GADL1: variants seen among roughly 807,000 people sequenced by gnomAD.
GADL1 encodes acidic amino acid decarboxylase GADL1.
Under a neutral mutation model 69.5 loss-of-function variants are expected in GADL1, and 71 were observed. That is an observed-to-expected ratio of 1.02 (90% CI 0.84 to 1.25). The LOEUF is 1.25. Among genes scored for constraint, GADL1 ranks in the 50% most tolerant of loss-of-function variants. The pLI, the probability that GADL1 is intolerant of heterozygous loss-of-function variation, is 0.00. For synonymous variants in GADL1, 254 were observed against 214.4 expected, an observed-to-expected ratio of 1.18 and a Z score of -1.62; for missense variants, 737 against 631.8, an observed-to-expected ratio of 1.17 and a Z score of -1.79.
At chr3:30,874,983 C>T (rs1389308259) in intron 1 of GADL1, among the ~76,000 whole-genome samples, 1 of 151,890 alleles carries the variant, frequency 6.6e-6, no homozygotes, top group Non-Finnish European at 1.5e-5. Context: ...TGTGCATTGG[C>T]TCAGAGCTCA....
At chr3:30,745,968 GCTCCTC>G (rs1307162773) in intron 14 of GADL1, among the ~76,000 whole-genome samples, 1 of 101,100 alleles carries the variant, frequency 9.9e-6, no homozygotes, top group Non-Finnish European at 1.9e-5. Context: ...CACCCCTCCT[GCTCCTC>G]CTCCTCCTCC....
intron 13 of GADL1, 122 bp from the exon 14 acceptor site, chr3:30,778,390 A>G (rs1389708778): frequency 3.1e-6 from 2 of 637,636 alleles, no homozygotes; most frequent in African/African-American, 3.7e-5. Flanking sequence ...TTTTAACATC[A>G]GAATCTTATA....
chr3:30,865,747 C>T (rs887445537), intron 1 of GADL1, among the ~76,000 whole-genome samples: 6 of 151,984 alleles, frequency 3.9e-5, no homozygotes, highest in Non-Finnish European at 8.8e-5. Context: ...CTTTCCTTTC[C>T]TCTCGATTCT....
rs115484280 is a variant in GADL1, at chr3:30,796,077, T to C, written c.1250+4812A>G. ...GAAATTAGAAAGTATTCTTAGACTG[T>C]AAACTAAATTCCACCCTGAGATGAA... On this transcript the variant is annotated intron_variant, in intron 12 of 14. Coordinates refer to ENST00000282538, the MANE Select transcript of GADL1 (RefSeq NM_207359.3). 7.9e-3 allele frequency among the ~76,000 whole-genome samples: 1,206 copies of C among 152,316 alleles called. 18 individuals are homozygous for C. The highest frequency in any genetic ancestry group is 0.027 in the African/African-American group (1,130 of 41,564).
At chr3:30,753,994 AAGG>A (rs760923733) in intron 14 of GADL1, among the ~76,000 whole-genome samples, 20 of 152,164 alleles carry the variant, frequency 1.3e-4, no homozygotes, top group African/African-American at 4.1e-4. Context: ...GGATTTTCCC[AAGG>A]AGGACTGAGG....
intron 14 of GADL1, among the ~76,000 whole-genome samples, chr3:30,777,345 G>C (rs576686411): frequency 1.3e-5 from 2 of 152,172 alleles, no homozygotes; most frequent in Non-Finnish European, 1.5e-5. Context: ...GTGCTGACTT[G>C]ATCCCACTCA....
chr3:30,790,286 C>T (rs1232570898), intron 12 of GADL1, among the ~76,000 whole-genome samples: 1 of 152,156 alleles, frequency 6.6e-6, no homozygotes, highest in Non-Finnish European at 1.5e-5. Flanking sequence ...AGTTTTCCAG[C>T]TTCTATGGGT....
At chr3:30,849,891 A>T in intron 6 of GADL1, 105 bp downstream of exon 6, 2 of 671,304 alleles carry the variant, frequency 3.0e-6, no homozygotes, top group South Asian at 3.6e-5. Flanking sequence ...GCAGCATATT[A>T]GTCACATGGG....
At chr3:30,889,678 A>G (rs1424605595) in intron 1 of GADL1, among the ~76,000 whole-genome samples, 5 of 152,116 alleles carry the variant, frequency 3.3e-5, no homozygotes, top group Non-Finnish European at 7.4e-5. Context: ...TTTTAACTCA[A>G]TTATGCAATT....
At chr3:30,825,189 T>A (rs979117094) in intron 11 of GADL1, among the ~76,000 whole-genome samples, 3 of 151,940 alleles carry the variant, frequency 2.0e-5, no homozygotes, top group African/African-American at 7.2e-5. Context: ...GGTACCACTT[T>A]TATTTTCTGA....
chr3:30,830,336 C>CT (rs1296289331), intron 11 of GADL1, among the ~76,000 whole-genome samples: 1 of 151,938 alleles, frequency 6.6e-6, no homozygotes, highest in Non-Finnish European at 1.5e-5. Context: ...ATCTTCATCT[C>CT]TGAAGGTTCT....
At chr3:30,758,339 A>G (rs565988356) in intron 14 of GADL1, among the ~76,000 whole-genome samples, 26 of 152,274 alleles carry the variant, frequency 1.7e-4, no homozygotes, top group Non-Finnish European at 3.7e-4. Flanking sequence ...TCTCTGGGCT[A>G]TTCTTTGCAG....
At chr3:30,763,558 C>A (rs73058860) in intron 14 of GADL1, among the ~76,000 whole-genome samples, 21,178 of 150,454 alleles carry the variant, frequency 0.14, 1,981 homozygotes, top group African/African-American at 0.26. Context: ...TTACACCTAA[C>A]CTACCAAATA....
intron 14 of GADL1, among the ~76,000 whole-genome samples, chr3:30,767,386 A>AT (rs1203767372): frequency 4.1e-5 from 6 of 146,804 alleles, no homozygotes; most frequent in Non-Finnish European, 9.0e-5. Flanking sequence ...AAGGAAAGCC[A>AT]TTTAAATCCT....
intron 11 of GADL1, among the ~76,000 whole-genome samples, chr3:30,824,361 A>G (rs1236703007): frequency 6.6e-6 from 1 of 150,764 alleles, no homozygotes; most frequent in African/African-American, 2.5e-5. Flanking sequence ...AGCAAAAATG[A>G]AAAACATTTT....
rs939093140 is a variant in GADL1 at position 30,767,889 on chromosome 3, G to C, written c.1392+10290C>G. Among the ~76,000 whole-genome samples, 3 of 151,914 alleles carry C rather than the reference G, an allele frequency of 2.0e-5. No individual in the cohort carries two copies. In the East Asian group the frequency reaches 5.8e-4, roughly 29 times the overall value. On this transcript the variant is annotated intron_variant, in intron 14 of 14. Coordinates refer to ENST00000282538, the MANE Select transcript of GADL1 (RefSeq NM_207359.3). Reference sequence around the variant, plus strand: ...TTCAAATTTATAAGGAAAAACATCAGATCTCAAAATATAAATACTTAAAAT... The same window carrying C: ...TTCAAATTTATAAGGAAAAACATCACATCTCAAAATATAAATACTTAAAAT...
intron 11 of GADL1, among the ~76,000 whole-genome samples, chr3:30,809,998 G>A (rs1697321873): frequency 6.6e-6 from 1 of 152,194 alleles, no homozygotes; most frequent in African/African-American, 2.4e-5. Flanking sequence ...ATGTAATGAA[G>A]TTTGCTGATA....
chr3:30,843,627 A>T (rs1559358730), intron 8 of GADL1, among the ~76,000 whole-genome samples: 1 of 152,248 alleles, frequency 6.6e-6, no homozygotes, highest in Non-Finnish European at 1.5e-5. Context: ...GCCCAGAGCC[A>T]TGCCTTGCCT....
At chr3:30,835,094 T>C (rs2125524301) in intron 9 of GADL1, among the ~76,000 whole-genome samples, 1 of 152,210 alleles carries the variant, frequency 6.6e-6, no homozygotes, top group East Asian at 1.9e-4. Context: ...CCATTAGGAA[T>C]GGAGTTATGA....
Sources: gnomAD v4.1 joint callset for allele counts (sites outside exome capture counted in the v4.1 genomes callset) on GRCh38, gnomAD v4.1.1 for gene constraint, MANE v1.5 for transcripts, NCBI Gene and HGNC (gene_info 2026-07-23, HGNC 2026-07-21) for gene names.